TAS2R1: variants seen among roughly 807,000 people sequenced by gnomAD.
The protein encoded by TAS2R1 is taste 2 receptor member 1.
For synonymous variants in TAS2R1, 141 were observed against 134.2 expected, an observed-to-expected ratio of 1.05 and a Z score of -0.35; for missense variants, 370 against 353.4, an observed-to-expected ratio of 1.05 and a Z score of -0.38.
chr5:9,676,398 G>A (rs555913556), intron 1 of TAS2R1, among the ~76,000 whole-genome samples: 1 of 152,276 alleles, frequency 6.6e-6, no homozygotes, highest in South Asian at 2.1e-4. Flanking sequence ...TGGGATGAGT[G>A]AAAGAACACA....
the TAS2R1 span, among the ~76,000 whole-genome samples, chr5:9,755,882 C>T: frequency 6.6e-6 from 1 of 152,162 alleles, no homozygotes; most frequent in Non-Finnish European, 1.5e-5. Flanking sequence ...AGAGGTGACT[C>T]TCATAGCCAT....
chr5:9,665,722 C>CGAGA (rs1740618650), intron 1 of TAS2R1, among the ~76,000 whole-genome samples: 1 of 152,204 alleles, frequency 6.6e-6, no homozygotes, highest in Admixed American at 6.5e-5. Context: ...TATGAGAATT[C>CGAGA]AGCGGCTTAA....
the TAS2R1 span, among the ~76,000 whole-genome samples, chr5:9,814,346 C>G: frequency 6.6e-6 from 1 of 151,856 alleles, no homozygotes; most frequent in Non-Finnish European, 1.5e-5. Flanking sequence ...AATTTTTTCT[C>G]ACTTTAAGGA....
the TAS2R1 span, among the ~76,000 whole-genome samples, chr5:9,771,575 T>C: frequency 1.5e-4 from 23 of 152,120 alleles, no homozygotes; most frequent in African/African-American, 5.3e-4. Context: ...TTCAGAATAG[T>C]CTGAGTAGTA....
the TAS2R1 span, among the ~76,000 whole-genome samples, chr5:9,847,348 T>A: frequency 1.3e-5 from 2 of 152,242 alleles, no homozygotes; most frequent in African/African-American, 4.8e-5. Context: ...TTTCCCCCTT[T>A]TGATTTTTAT....
chr5:9,871,578 G>A, the TAS2R1 span, among the ~76,000 whole-genome samples: 1 of 152,166 alleles, frequency 6.6e-6, no homozygotes, highest in Non-Finnish European at 1.5e-5. Context: ...CACACACTCG[G>A]ATGGGGGAAG....
chr5:9,704,744 A>C (rs1390392710), intron 1 of TAS2R1, among the ~76,000 whole-genome samples: 1 of 152,224 alleles, frequency 6.6e-6, no homozygotes, highest in Non-Finnish European at 1.5e-5. Flanking sequence ...CAGATTGCTA[A>C]AGATTAAGAA....
At chr5:9,711,017 T>C (rs959358019) in intron 1 of TAS2R1, among the ~76,000 whole-genome samples, 13 of 149,498 alleles carry the variant, frequency 8.7e-5, no homozygotes, top group Non-Finnish European at 1.9e-4. Flanking sequence ...AAAATAAGTG[T>C]CAGAATGCGG....
the TAS2R1 span, among the ~76,000 whole-genome samples, chr5:9,817,753 C>T: frequency 4.6e-5 from 7 of 152,108 alleles, no homozygotes; most frequent in South Asian, 2.1e-4. Flanking sequence ...AATGTATAAA[C>T]GAAAGAGGTT....
chr5:9,732,495 T>C, the TAS2R1 span, among the ~76,000 whole-genome samples: 26 of 152,144 alleles, frequency 1.7e-4, no homozygotes, highest in Admixed American at 1.5e-3. Flanking sequence ...GGCAGAGCCA[T>C]GGACAAGGGG....
At chr5:9,680,618 T>A (rs1304964202) in intron 1 of TAS2R1, among the ~76,000 whole-genome samples, 2 of 151,948 alleles carry the variant, frequency 1.3e-5, no homozygotes, top group Non-Finnish European at 2.9e-5. Context: ...ATGAAAAAAA[T>A]CATCAAAAAA....
chr5:9,742,528 A>G, the TAS2R1 span, among the ~76,000 whole-genome samples: 1 of 152,340 alleles, frequency 6.6e-6, no homozygotes, highest in Admixed American at 6.5e-5. Flanking sequence ...TTTCAAAAGG[A>G]CAAAATATCT....
chr5:9,810,012 T>G, the TAS2R1 span, among the ~76,000 whole-genome samples: 3 of 152,232 alleles, frequency 2.0e-5, no homozygotes, highest in Non-Finnish European at 4.4e-5. Context: ...GCTTTCCTTC[T>G]CTTACACTCA....
At chr5:9,644,615 A>C (rs72731192) in intron 2 of TAS2R1, among the ~76,000 whole-genome samples, 21,046 of 152,138 alleles carry the variant, frequency 0.14, 1,654 homozygotes, top group South Asian at 0.19. Context: ...AGTTTGTGGG[A>C]ACTATCAAGT....
chr5:9,681,068 T>C (rs1007595790), intron 1 of TAS2R1, among the ~76,000 whole-genome samples: 5 of 151,488 alleles, frequency 3.3e-5, no homozygotes, highest in African/African-American at 1.2e-4. Flanking sequence ...TCTCAATCAA[T>C]CAATCAATAT....
At chr5:9,827,469 C>A in the TAS2R1 span, among the ~76,000 whole-genome samples, 1 of 152,086 alleles carries the variant, frequency 6.6e-6, no homozygotes, top group Admixed American at 6.6e-5. Flanking sequence ...GGAACAGTGG[C>A]TCATGCTTGA....
At chr5:9,780,699 G>A in the TAS2R1 span, among the ~76,000 whole-genome samples, 40 of 152,182 alleles carry the variant, frequency 2.6e-4, 1 homozygote, top group African/African-American at 6.3e-4. Flanking sequence ...GTGCGCGCGC[G>A]CGCGCATGCA....
the TAS2R1 span, among the ~76,000 whole-genome samples, chr5:9,737,655 G>A: frequency 6.6e-6 from 1 of 152,132 alleles, no homozygotes; most frequent in African/African-American, 2.4e-5. Flanking sequence ...CTCCTTCCAA[G>A]TGGCAGTGTG....
chr5:9,704,722 C>T (rs961098428), intron 1 of TAS2R1, among the ~76,000 whole-genome samples: 1 of 152,192 alleles, frequency 6.6e-6, no homozygotes, highest in African/African-American at 2.4e-5. Flanking sequence ...TCTAGTTTCT[C>T]ATTCTTACTA....
Sources: allele counts gnomAD v4.1 joint callset (sites outside exome capture counted in the v4.1 genomes callset), GRCh38; gene constraint gnomAD v4.1.1; transcripts MANE v1.5; gene names NCBI Gene and HGNC (gene_info 2026-07-23, HGNC 2026-07-21).